ARHGEF28: variants seen among roughly 807,000 people sequenced by gnomAD.
ARHGEF28 encodes Rho guanine nucleotide exchange factor 28.
ARHGEF28 carries 152 observed loss-of-function variants against 206.6 expected under a neutral mutation model. That is an observed-to-expected ratio of 0.74 (90% CI 0.64 to 0.84). The LOEUF is 0.84. ARHGEF28 is among the 40% of genes least tolerant of loss of function. The pLI, the probability that ARHGEF28 is intolerant of heterozygous loss-of-function variation, is 0.00. For missense variants in ARHGEF28, 2,028 were observed against 2,073.2 expected (o/e 0.98, Z 0.42); for synonymous variants, 763 against 776.4 (o/e 0.98, Z 0.29).
chr5:73,850,107 A>T (rs1160759633), intron 13 of ARHGEF28, among the ~76,000 whole-genome samples: 2 of 127,384 alleles, frequency 1.6e-5, no homozygotes, highest in East Asian at 5.3e-4. Context: ...TTTTTATGCC[A>T]TGCAGAACAA....
chr5:73,794,447 ATATAAAGGTAATGAATGACTC>A lies in ARHGEF28; in HGVS notation c.957_963+14del, dbSNP rs772952528. 1.0e-4 allele frequency: 162 copies of A among 1,600,002 alleles called. No homozygotes were observed. The highest frequency in any genetic ancestry group is 8.3e-4 in the Middle Eastern group (5 of 6,044). On this transcript the variant is annotated splice_donor_variant and splice_donor_5th_base_variant and coding_sequence_variant and intron_variant, in exon 8 of 36. Coordinates refer to ENST00000513042, the MANE Select transcript of ARHGEF28 (RefSeq NM_001177693.2). LOFTEE classifies it high-confidence loss of function. ...AGCAGATCAGCAGCTGAAAAGGAAG[ATATAAAGGTAATGAATGACTC>A]CCTGCTTCTTTCTTTGCACGTCTTT...
rs540915819 is a variant in ARHGEF28, at chr5:73,737,108, A to G, written c.34-12729A>G. ...CACCCCCACTTTATGATGTGTTTCA[A>G]TGAGACACATCCGAGGTGCTTCTTT... On this transcript the variant is annotated intron_variant, in intron 2 of 35. Transcript: ENST00000513042. Among the ~76,000 whole-genome samples the G allele has an allele frequency of 2.1e-4, 32 of 152,206 alleles. No homozygotes were observed. The South Asian group carries it at 5.8e-3, about 28-fold the overall frequency.
chr5:73,804,509 T>G (rs961212898), intron 9 of ARHGEF28, among the ~76,000 whole-genome samples: 1 of 152,226 alleles, frequency 6.6e-6, no homozygotes. Context: ...CTATACTTGT[T>G]GCTCCCATTC....
chr5:73,776,526 A>G lies in ARHGEF28; in HGVS notation c.670A>G (p.Arg224Gly), dbSNP rs1440166244. Reference protein sequence around the residue: ...LVEDVTNFQGRWSPSFSRVQL... With the variant: ...LVEDVTNFQGGWSPSFSRVQL... ...TTTGTGTTGTTTCAGTTTTCAGGGC[A>G]GATGGTCCCCAAGCTTCTCCCGAGT... is the stretch of plus-strand genomic sequence containing the variant. Residue 224 changes from arginine (R) to glycine (G), a missense_variant, in exon 6 of 36, where the codon AGA becomes GGA. Physicochemically the swap from Arg to Gly is moderately radical, Grantham distance 125. This residue lies in a region of ARHGEF28 where 1,002 missense variants were observed against 1,015.3 expected (regional missense o/e 0.99). Transcript: ENST00000513042. The G allele has an allele frequency of 4.3e-6, 7 of 1,610,720 alleles. No individual in the cohort carries two copies. The African/African-American group carries it at 9.3e-5, about 22-fold the overall frequency.
At chr5:73,937,398 G>T (rs1002085700) in intron 35 of ARHGEF28, among the ~76,000 whole-genome samples, 2 of 152,176 alleles carry the variant, frequency 1.3e-5, no homozygotes, top group African/African-American at 4.8e-5. Flanking sequence ...ACTTGGTTTA[G>T]TCAGGCTTTG....
At chr5:73,908,611 A>G (rs544191148) in intron 33 of ARHGEF28, 2 of 152,232 alleles carry the variant, frequency 1.3e-5, no homozygotes, top group African/African-American at 2.4e-5. Flanking sequence ...GATGTTGCCA[A>G]ACTTTTCATA....
rs569325925 is a variant in ARHGEF28, at chr5:73,789,643, A to AT, written c.911-4752dup. ...CCAACATTTAATGGTAGTTATATTG[A>AT]TTTTTTTGTTTAGTTTTTTTTCCAA... On this transcript the variant is annotated intron_variant, in intron 7 of 35. Transcript: ENST00000513042. Among the ~76,000 whole-genome samples, 4 of 152,096 alleles carry AT rather than the reference A, an allele frequency of 2.6e-5. No individual in the cohort carries two copies. In the East Asian group the frequency reaches 5.8e-4, roughly 22 times the overall value.
At position 73,813,900 on chromosome 5, in the gene ARHGEF28, C is replaced by T. The variant is rs184085857; in HGVS notation, c.1025-18438C>T. ...CTACCTTGGTGTTATTATGTATGTG[C>T]AATTCTCTTTAAAAAAAAAAAAAAA... On this transcript the variant is annotated intron_variant, in intron 9 of 35. Coordinates refer to ENST00000513042, the MANE Select transcript of ARHGEF28 (RefSeq NM_001177693.2). 2.1e-5 allele frequency among the ~76,000 whole-genome samples: 3 copies of T among 142,054 alleles called. No individual in the cohort carries two copies. In the East Asian group the frequency reaches 6.1e-4, roughly 29 times the overall value. The allele number at this position is 142,054 out of a possible 152,430, so 93.2% of individuals were successfully genotyped here.
At position 73,858,288 on chromosome 5, in the gene ARHGEF28, A is replaced by C. The variant is rs146930823; in HGVS notation, c.2047+69A>C. On this transcript the variant is annotated intron_variant, in intron 16 of 35. Coordinates refer to ENST00000513042, the MANE Select transcript of ARHGEF28 (RefSeq NM_001177693.2). ...TGACAGTAACCTTGGGAAGAGGCTC[A>C]TTGCTCAATACATTTACATAAACCT... 32 of 1,501,784 alleles carry C rather than the reference A, an allele frequency of 2.1e-5. No individual in the cohort carries two copies. The East Asian group carries it at 7.2e-4, about 34-fold the overall frequency. 93.0% of individuals were successfully genotyped at this position (1,501,784 alleles called of 1,614,324 possible).
intron 23 of ARHGEF28, among the ~76,000 whole-genome samples, chr5:73,883,286 A>T (rs1039865960): frequency 3.9e-5 from 6 of 152,172 alleles, no homozygotes; most frequent in African/African-American, 1.4e-4. Context: ...TTACCACATA[A>T]ATGTGTGTTG....
At chr5:73,720,864 A>T (rs542568084) in intron 2 of ARHGEF28, among the ~76,000 whole-genome samples, 1 of 152,332 alleles carries the variant, frequency 6.6e-6, no homozygotes, top group Non-Finnish European at 1.5e-5. Flanking sequence ...ACATATACTT[A>T]GTGATTTTGC....
At chr5:73,833,362 T>G (rs1757418969) in intron 10 of ARHGEF28, among the ~76,000 whole-genome samples, 1 of 152,190 alleles carries the variant, frequency 6.6e-6, no homozygotes, top group Non-Finnish European at 1.5e-5. Context: ...AAACTTTTTT[T>G]TTTTCCATCT....
At chr5:73,688,858 G>A (rs1747633860) in intron 2 of ARHGEF28, among the ~76,000 whole-genome samples, 1 of 152,178 alleles carries the variant, frequency 6.6e-6, no homozygotes, top group African/African-American at 2.4e-5. Context: ...ATTTCACCAT[G>A]TTGGCCAGGA....
At chr5:73,689,641 TG>T (rs1747689223) in intron 2 of ARHGEF28, among the ~76,000 whole-genome samples, 2 of 152,220 alleles carry the variant, frequency 1.3e-5, no homozygotes, top group African/African-American at 4.8e-5. Flanking sequence ...TATCACTTTG[TG>T]GAACCTAGGG....
intron 5 of ARHGEF28, among the ~76,000 whole-genome samples, chr5:73,774,757 A>T (rs1753450369): frequency 6.6e-6 from 1 of 152,246 alleles, no homozygotes; most frequent in African/African-American, 2.4e-5. Flanking sequence ...AAGGATTCAT[A>T]TATAGTGATT....
chr5:73,816,445 T>C (rs1294710840), intron 9 of ARHGEF28, among the ~76,000 whole-genome samples: 1 of 152,210 alleles, frequency 6.6e-6, no homozygotes, highest in Non-Finnish European at 1.5e-5. Context: ...TGAGAAATCA[T>C]GAAAGTGGCT....
chr5:73,681,780 G>A (rs1271207861), intron 1 of ARHGEF28, among the ~76,000 whole-genome samples: 2 of 151,878 alleles, frequency 1.3e-5, no homozygotes, highest in Admixed American at 6.6e-5. Context: ...ATGCCACTGC[G>A]CTCTAGCCTG....
intron 2 of ARHGEF28, among the ~76,000 whole-genome samples, chr5:73,749,494 C>T (rs1751914159): frequency 6.6e-6 from 1 of 152,172 alleles, no homozygotes; most frequent in Non-Finnish European, 1.5e-5. Flanking sequence ...TAGTGAGACC[C>T]TGTCTCTAAA....
At chr5:73,627,478 C>T (rs1743079944) in intron 1 of ARHGEF28, among the ~76,000 whole-genome samples, 1 of 152,138 alleles carries the variant, frequency 6.6e-6, no homozygotes, top group African/African-American at 2.4e-5. Context: ...CTACTTTGTA[C>T]ATGACAATCC....
Sources: gnomAD v4.1 joint callset for allele counts (sites outside exome capture counted in the v4.1 genomes callset) on GRCh38, gnomAD v4.1.1 for gene constraint, gnomAD v4.1.1 regional missense constraint, MANE v1.5 for transcripts, NCBI Gene and HGNC (gene_info 2026-07-23, HGNC 2026-07-21) for gene names.